The following NALF1 variants were observed in gnomAD, a reference collection of about 807,000 sequenced individuals.
The protein encoded by NALF1 is NALCN channel auxiliary factor 1.
A neutral mutation model predicts 48.4 loss-of-function variants in NALF1; 3 were observed. That is an observed-to-expected ratio of 0.06 (90% CI 0.03 to 0.16). The LOEUF (loss-of-function observed/expected upper bound fraction) is 0.16, where lower values mean the gene tolerates loss of function less well. Ranked by LOEUF, NALF1 falls within the 10% of genes least tolerant of loss-of-function variation. NALF1 has a pLI of 1.00. For synonymous variants in NALF1, 262 were observed against 245.7 expected, an observed-to-expected ratio of 1.07 and a Z score of -0.62; for missense variants, 526 against 571.5, an observed-to-expected ratio of 0.92 and a Z score of 0.81.
intron 1 of NALF1, among the ~76,000 whole-genome samples, chr13:107,554,404 C>T (rs1314527011): frequency 6.6e-6 from 1 of 152,134 alleles, no homozygotes; most frequent in Non-Finnish European, 1.5e-5. Context: ...TCTGCTACTT[C>T]AAAAAGAGGG....
intron 1 of NALF1, among the ~76,000 whole-genome samples, chr13:107,321,683 T>C (rs1300614464): frequency 6.6e-6 from 1 of 152,140 alleles, no homozygotes; most frequent in East Asian, 1.9e-4. Flanking sequence ...ACTACACAGA[T>C]TCTGCCTGCA....
intron 1 of NALF1, among the ~76,000 whole-genome samples, chr13:107,400,193 T>C (rs1263513821): frequency 6.6e-6 from 1 of 152,166 alleles, no homozygotes; most frequent in African/African-American, 2.4e-5. Flanking sequence ...TTAACATATA[T>C]GAATTTGGTC....
At chr13:107,752,039 A>G (rs1254514539) in intron 1 of NALF1, among the ~76,000 whole-genome samples, 11 of 152,050 alleles carry the variant, frequency 7.2e-5, no homozygotes, top group Admixed American at 6.6e-4. Context: ...AAACATTAAT[A>G]TATGGGGGAA....
At chr13:107,549,900 C>T (rs753529423) in intron 1 of NALF1, among the ~76,000 whole-genome samples, 8 of 151,530 alleles carry the variant, frequency 5.3e-5, no homozygotes, top group Non-Finnish European at 1.2e-4. Flanking sequence ...ATTGTATTTC[C>T]TGTCAACTAT....
intron 2 of NALF1, among the ~76,000 whole-genome samples, chr13:107,173,951 G>A (rs1209463926): frequency 6.6e-6 from 1 of 152,104 alleles, no homozygotes; most frequent in Non-Finnish European, 1.5e-5. Context: ...AGGGAATTTG[G>A]TGAGTTTTCA....
intron 1 of NALF1, among the ~76,000 whole-genome samples, chr13:107,515,393 T>G (rs190729039): frequency 6.6e-6 from 1 of 152,294 alleles, no homozygotes; most frequent in Admixed American, 6.5e-5. Flanking sequence ...TTACTATGTG[T>G]TAGACACCAT....
rs1458758002 is a variant in NALF1 at position 107,170,474 on chromosome 13, C to T, written c.*23G>A. 6.4e-7 allele frequency: 1 copy of T among 1,566,098 alleles called. No homozygotes were observed. Among genetic ancestry groups the T allele is most frequent in the African/African-American group, 1.3e-5 (1 of 74,436 alleles). On this transcript the variant is annotated 3_prime_UTR_variant, in exon 3 of 3. Transcript: ENST00000375915. ...ATTTTTCACGGCGGGCCAGCTGCTG[C>T]TGTGGTGACACTCGTCCTTCCGTTA...
chr13:107,490,128 G>T (rs1885392240), intron 1 of NALF1, among the ~76,000 whole-genome samples: 1 of 152,138 alleles, frequency 6.6e-6, no homozygotes, highest in Non-Finnish European at 1.5e-5. Flanking sequence ...ACAGTTGATG[G>T]GAGAGTAAAT....
chr13:107,430,629 T>C (rs1301079443), intron 1 of NALF1, among the ~76,000 whole-genome samples: 1 of 152,218 alleles, frequency 6.6e-6, no homozygotes, highest in African/African-American at 2.4e-5. Context: ...GGACATGAAC[T>C]CATCATTTTT....
chr13:107,839,205 T>G lies in NALF1; in HGVS notation c.915+26477A>C, dbSNP rs75652178. Among the ~76,000 whole-genome samples the G allele has an allele frequency of 4.6e-3, 698 of 152,026 alleles. 8 individuals are homozygous for G. The highest frequency in any genetic ancestry group is 0.015 in the African/African-American group (633 of 41,444). On this transcript the variant is annotated intron_variant, in intron 1 of 2. Coordinates refer to ENST00000375915, the MANE Select transcript of NALF1 (RefSeq NM_001080396.3). ...CTTAGTTTAATTCTAATGAATGCCA[T>G]GCAGATGAAGCCATCTTCCTGCTCC...
chr13:107,431,129 C>G (rs1249355406), intron 1 of NALF1, among the ~76,000 whole-genome samples: 2 of 152,052 alleles, frequency 1.3e-5, no homozygotes, highest in Non-Finnish European at 2.9e-5. Flanking sequence ...TGTTCTTTGC[C>G]CATTGAGCTT....
intron 1 of NALF1, among the ~76,000 whole-genome samples, chr13:107,525,546 T>G (rs959114395): frequency 1.3e-5 from 2 of 152,128 alleles, no homozygotes; most frequent in Admixed American, 1.3e-4. Flanking sequence ...TTGGTCCCAG[T>G]TTGGGGGCAT....
intron 1 of NALF1, among the ~76,000 whole-genome samples, chr13:107,354,866 C>A (rs368656883): frequency 3.9e-5 from 6 of 152,204 alleles, no homozygotes; most frequent in African/African-American, 1.4e-4. Flanking sequence ...GGCATGAGGT[C>A]CAGCAGCAAC....
At chr13:107,281,188 C>A (rs1301629727) in intron 1 of NALF1, among the ~76,000 whole-genome samples, 1 of 152,122 alleles carries the variant, frequency 6.6e-6, no homozygotes, top group Non-Finnish European at 1.5e-5. Context: ...TAGACAAAAA[C>A]CATGCTCTTA....
intron 1 of NALF1, among the ~76,000 whole-genome samples, chr13:107,569,032 C>T (rs1877900198): frequency 6.6e-6 from 1 of 152,086 alleles, no homozygotes; most frequent in African/African-American, 2.4e-5. Flanking sequence ...TTTCTCTGTC[C>T]TTTCTAAAAG....
intron 1 of NALF1, among the ~76,000 whole-genome samples, chr13:107,527,994 C>G (rs1022593872): frequency 1.3e-5 from 2 of 152,000 alleles, no homozygotes; most frequent in Non-Finnish European, 2.9e-5. Flanking sequence ...AGTTAGTTTA[C>G]TACAAAGTAA....
rs72666549 is a variant in NALF1 at position 107,283,119 on chromosome 13, C to A, written c.916-72364G>T. ...CAGTGGTGGGAGAAACTTGTTAGAACCACATTGGCCGCACTGAGATTATGA... is the reference window on the plus strand; with the variant it reads ...CAGTGGTGGGAGAAACTTGTTAGAAACACATTGGCCGCACTGAGATTATGA... On this transcript the variant is annotated intron_variant, in intron 1 of 2. Coordinates refer to ENST00000375915, the MANE Select transcript of NALF1 (RefSeq NM_001080396.3). Among the ~76,000 whole-genome samples, 977 of 152,228 alleles carry A rather than the reference C, an allele frequency of 6.4e-3. 9 individuals are homozygous for A. The highest frequency in any genetic ancestry group is 0.017 in the Middle Eastern group (5 of 294).
intron 1 of NALF1, among the ~76,000 whole-genome samples, chr13:107,715,551 G>A (rs1875729933): frequency 6.6e-6 from 1 of 152,196 alleles, no homozygotes; most frequent in East Asian, 1.9e-4. Context: ...CGATCAGGGA[G>A]TCATTTTGTT....
At chr13:107,366,506 C>G (rs1009915096) in intron 1 of NALF1, among the ~76,000 whole-genome samples, 2 of 152,142 alleles carry the variant, frequency 1.3e-5, no homozygotes, top group Non-Finnish European at 2.9e-5. Context: ...GGGCTCAGCC[C>G]AATTTTGGAG....
Sources: gnomAD v4.1 joint callset for allele counts (sites outside exome capture counted in the v4.1 genomes callset) on GRCh38, gnomAD v4.1.1 for gene constraint, MANE v1.5 for transcripts, NCBI Gene and HGNC (gene_info 2026-07-23, HGNC 2026-07-21) for gene names.